The following BRMS1 variants were observed in gnomAD, a reference collection of about 807,000 sequenced individuals.
BRMS1 encodes BRMS1 transcriptional repressor and anoikis regulator.
BRMS1 carries 26 observed loss-of-function variants against 40.4 expected under a neutral mutation model. That is an observed-to-expected ratio of 0.64 (90% CI 0.47 to 0.89). BRMS1 has a LOEUF of 0.89. BRMS1 is among the 40% of genes least tolerant of loss of function. The pLI, the probability that BRMS1 is intolerant of heterozygous loss-of-function variation, is 0.00. For synonymous variants in BRMS1, 103 were observed against 116.0 expected (o/e 0.89, Z 0.72); for missense variants, 289 against 309.4 (o/e 0.93, Z 0.49).
chr11:66,339,501 G>A (rs1279075827), intron 7 of BRMS1, among the ~76,000 whole-genome samples: 4 of 152,244 alleles, frequency 2.6e-5, no homozygotes, highest in Non-Finnish European at 5.9e-5. Flanking sequence ...GGTAACGTTT[G>A]AGATGAGCCC....
At chr11:66,337,921 C>T (rs753178762) in intron 9 of BRMS1, 32 bp from the exon 10 acceptor site, 5 of 1,594,004 alleles carry the variant, frequency 3.1e-6, no homozygotes, top group Non-Finnish European at 4.3e-6. Context: ...AAAACTGTCA[C>T]CAGTTAGGAA....
At chr11:66,340,536 T>C (rs1855041999) in intron 6 of BRMS1, among the ~76,000 whole-genome samples, 1 of 152,160 alleles carries the variant, frequency 6.6e-6, no homozygotes, top group African/African-American at 2.4e-5. Flanking sequence ...TGACTGCATG[T>C]CACACTGATA....
At chr11:66,338,863 G>C (rs1855001607) in intron 7 of BRMS1, 78 bp from the exon 8 acceptor site, 2 of 1,392,280 alleles carry the variant, frequency 1.4e-6, no homozygotes, top group Non-Finnish European at 9.8e-7. Flanking sequence ...TTCAGGAGTG[G>C]GGGTACAGCG....
At chr11:66,342,037 A>ATG (rs1227230879) in intron 2 of BRMS1, 59 bp downstream of exon 2, 10 of 1,501,292 alleles carry the variant, frequency 6.7e-6, no homozygotes, top group East Asian at 2.4e-5. Context: ...GTGTGTGTGC[A>ATG]TGTGTGTGTG....
rs199548009 is a variant in BRMS1 at position 66,341,500 on chromosome 11, C to T, written c.230+33G>A. The T allele has an allele frequency of 2.1e-3, 3,409 of 1,611,610 alleles. 6 individuals are homozygous for T. Among genetic ancestry groups the T allele is most frequent in the Non-Finnish European group, 2.5e-3 (2,982 of 1,177,906 alleles). ...CCACCACCTCCTCATCCCAGATCCT[C>T]GCAGACCCAGCCCAAGGTGTCCCCA... On this transcript the variant is annotated intron_variant, in intron 3 of 9. Coordinates refer to ENST00000359957, the MANE Select transcript of BRMS1 (RefSeq NM_015399.4). The surrounding 1 kb of genome is among the most constrained non-coding windows in gnomAD (Gnocchi z 4.9).
chr11:66,342,578 T>G (rs1262143200), intron 1 of BRMS1, among the ~76,000 whole-genome samples: 1 of 152,228 alleles, frequency 6.6e-6, no homozygotes, highest in African/African-American at 2.4e-5. Flanking sequence ...TTCTTCTTAT[T>G]ATTTTTTGAG....
chr11:66,340,918 T>C (rs765895543), intron 5 of BRMS1, 48 bp from the exon 6 acceptor site: 20 of 1,613,360 alleles, frequency 1.2e-5, no homozygotes, highest in Non-Finnish European at 1.6e-5. Flanking sequence ...GTGAGGCCAC[T>C]TCAGGCTTTG....
At position 66,341,176 on chromosome 11, in the gene BRMS1, G is replaced by A; in HGVS notation, c.358+30C>T. The A allele has an allele frequency of 6.2e-7, 1 of 1,611,190 alleles. No homozygotes were observed. The highest frequency in any genetic ancestry group is 8.5e-7 in the Non-Finnish European group (1 of 1,177,840). On this transcript the variant is annotated intron_variant, in intron 4 of 9. Transcript: ENST00000359957. This position sits in a 1 kb window ranked among gnomAD's most constrained non-coding sequence, Gnocchi z 4.9. ...GGACAGGGTGCCACGGGTTCTGGGA[G>A]GGGAAGAGGGTACAGAACCACCCAC...
chr11:66,340,289 C>T (rs1855037445), intron 6 of BRMS1, 76 bp from the exon 7 acceptor site: 2 of 1,349,942 alleles, frequency 1.5e-6, no homozygotes, highest in African/African-American at 1.4e-5. Context: ...CTGCCTCCAC[C>T]ATGGGCCGGC....
chr11:66,342,348 A>C, intron 1 of BRMS1, 107 bp from the exon 2 acceptor site: 3 of 1,452,548 alleles, frequency 2.1e-6, no homozygotes, highest in Non-Finnish European at 2.8e-6. Flanking sequence ...AAAGCCAGGG[A>C]AGTAACTGGC....
chr11:66,338,187 G>A lies in BRMS1; in HGVS notation c.733+56C>T. 10 of 1,595,678 alleles carry A rather than the reference G, an allele frequency of 6.3e-6. 1 individual carries two copies. In the South Asian group the frequency reaches 1.0e-4, roughly 16 times the overall value. ...TGGGCTCCTTCCTGGAAGCTGAGCT[G>A]AGGAAAGGTGATGGCAAGGGGGCAG... On this transcript the variant is annotated intron_variant, in intron 9 of 9. Coordinates refer to ENST00000359957, the MANE Select transcript of BRMS1 (RefSeq NM_015399.4).
intron 7 of BRMS1, among the ~76,000 whole-genome samples, chr11:66,339,452 T>C (rs890343011): frequency 3.3e-5 from 5 of 152,120 alleles, no homozygotes; most frequent in Admixed American, 1.3e-4. Context: ...AGTGAAGCCA[T>C]AGGCACCAGG....
chr11:66,338,888 G>T, intron 7 of BRMS1, 103 bp from the exon 8 acceptor site: 1 of 1,215,410 alleles, frequency 8.2e-7, no homozygotes, highest in East Asian at 2.4e-5. Flanking sequence ...GCATGGAGTG[G>T]GAGCTGAGGA....
chr11:66,341,432 C>T lies in BRMS1; in HGVS notation c.231-99G>A, dbSNP rs1431965503. On this transcript the variant is annotated intron_variant, in intron 3 of 9. Transcript: ENST00000359957. This position sits in a 1 kb window ranked among gnomAD's most constrained non-coding sequence, Gnocchi z 4.9. ...ATTCCACAGCAAGCCCGGTGTTAGGCGCGCACTTCCTGGGCACCAACCACG... is the reference window on the plus strand; with the variant it reads ...ATTCCACAGCAAGCCCGGTGTTAGGTGCGCACTTCCTGGGCACCAACCACG... 4.4e-5 allele frequency: 71 copies of T among 1,600,954 alleles called. No homozygotes were observed. In the Admixed American group the frequency reaches 7.0e-4, roughly 16 times the overall value.
At position 66,337,661 on chromosome 11, in the gene BRMS1, G is replaced by T. The variant is rs977941245; in HGVS notation, c.*221C>A. 19 of 1,549,984 alleles carry T rather than the reference G, an allele frequency of 1.2e-5. No homozygotes were observed. Among genetic ancestry groups the T allele is most frequent in the Admixed American group, 2.0e-5 (1 of 51,136 alleles). On this transcript the variant is annotated 3_prime_UTR_variant, in exon 10 of 10. Transcript: ENST00000359957. ...AGGGATGGAGACAGCAGCCTTGCCT[G>T]GTCAGGTCAGCTCCACGGCCACAGC... is the stretch of plus-strand genomic sequence containing the variant.
At chr11:66,339,426 C>T (rs1048107680) in intron 7 of BRMS1, among the ~76,000 whole-genome samples, 4 of 152,192 alleles carry the variant, frequency 2.6e-5, no homozygotes, top group Admixed American at 1.3e-4. Context: ...TGGTAGGGCA[C>T]AGAAGCACAC....
rs1321151326 is a variant in BRMS1 at position 66,341,859 on chromosome 11, G to T, written c.140-236C>A. 1.5e-6 allele frequency: 1 copy of T among 667,250 alleles called. No individual in the cohort carries two copies. Among genetic ancestry groups the T allele is most frequent in the Non-Finnish European group, 2.7e-6 (1 of 374,996 alleles). The allele number at this position is 667,250 out of a possible 1,614,324, so 41.3% of individuals were successfully genotyped here. A position where few individuals can be genotyped will look rare whatever the true frequency, so the allele number is the denominator to read the frequency against. The stretch of plus-strand genomic sequence containing the variant: ...GAAGGGGCTGTGTGCACGTGTACTT[G>T]TGTGAAGGGGCTGTGTGTGTGCATA... On this transcript the variant is annotated intron_variant, in intron 2 of 9. Coordinates refer to ENST00000359957, the MANE Select transcript of BRMS1 (RefSeq NM_015399.4). This position sits in a 1 kb window ranked among gnomAD's most constrained non-coding sequence, Gnocchi z 4.9.
intron 7 of BRMS1, among the ~76,000 whole-genome samples, chr11:66,339,196 A>T (rs761401294): frequency 8.5e-5 from 13 of 152,162 alleles, no homozygotes; most frequent in Non-Finnish European, 1.3e-4. Context: ...CACTCAAGTC[A>T]TGGCCTTCCA....
chr11:66,344,250 A>C (rs1855153568), intron 1 of BRMS1, among the ~76,000 whole-genome samples: 1 of 152,232 alleles, frequency 6.6e-6, no homozygotes, highest in Admixed American at 6.5e-5. Flanking sequence ...TGAGACAGAC[A>C]TTAGTTTTTA....
Sources: gnomAD v4.1 joint callset for allele counts (sites outside exome capture counted in the v4.1 genomes callset) on GRCh38, gnomAD v4.1.1 for gene constraint, Gnocchi (gnomAD v3.1) non-coding constraint, MANE v1.5 for transcripts, NCBI Gene and HGNC (gene_info 2026-07-23, HGNC 2026-07-21) for gene names.